DLL3: variants seen among roughly 807,000 people sequenced by gnomAD.
The protein encoded by DLL3 is delta-like protein 3.
Under a neutral mutation model 55.0 loss-of-function variants are expected in DLL3, and 49 were observed. The ratio of observed to expected loss-of-function variants is 0.89; its 90% CI spans 0.71 to 1.13. The LOEUF (loss-of-function observed/expected upper bound fraction) is 1.13. DLL3 is among the 50% of genes most tolerant of loss of function. DLL3 has a pLI of 0.00. For synonymous variants in DLL3, 421 were observed against 385.2 expected (o/e 1.09, Z -1.09); for missense variants, 962 against 875.5 (o/e 1.10, Z -1.25).
At chr19:39,503,482 G>A (rs777569580) in intron 4 of DLL3, among the ~76,000 whole-genome samples, 10 of 152,046 alleles carry the variant, frequency 6.6e-5, no homozygotes, top group Non-Finnish European at 1.0e-4. Flanking sequence ...CGGCCCTCCC[G>A]ACTCCCACTC....
chr19:39,508,265 C>A lies in DLL3; in HGVS notation c.*8C>A. 6.2e-7 allele frequency: 1 copy of A among 1,613,900 alleles called. No individual in the cohort carries two copies. On this transcript the variant is annotated 3_prime_UTR_variant, in exon 9 of 9. Transcript: ENST00000356433. ...TTTTGTTTCTAGGCCTGACGCGTCT[C>A]CTCCATCCGCACCTGGAGTCAGAGC...
chr19:39,507,582 A>G lies in DLL3; in HGVS notation c.1637A>G (p.Asn546Ser). The change falls in exon 7 of 9, where the codon AAC (asparagine) becomes AGC (serine). Residue 546 changes from asparagine (N) to serine (S), a missense_variant. Asn to Ser is a conservative substitution (Grantham distance 46, BLOSUM62 1). Transcript: ENST00000356433. ...CACGCACTCCCGGATGCACTCAACA[A>G]CCTAAGGACGCAGGAGGGTTCCGGG... ...SVHALPDALN[N>S]LRTQEGSGDG... is the part of the protein sequence containing the mutation. 6.2e-7 allele frequency: 1 copy of G among 1,609,348 alleles called. No individual in the cohort carries two copies.
At chr19:39,502,169 AGAGT>A (rs549572885) in intron 3 of DLL3, among the ~76,000 whole-genome samples, 1 of 152,168 alleles carries the variant, frequency 6.6e-6, no homozygotes, top group Admixed American at 6.5e-5. Context: ...CCTGGGCGAC[AGAGT>A]GAGACTCCGT....
chr19:39,501,625 G>A (rs2079609978), intron 3 of DLL3, among the ~76,000 whole-genome samples: 1 of 152,170 alleles, frequency 6.6e-6, no homozygotes, highest in Non-Finnish European at 1.5e-5. Context: ...TCACCGTTCT[G>A]ATGTAGAAAG....
chr19:39,501,210 C>T (rs958149204), intron 3 of DLL3, among the ~76,000 whole-genome samples: 5 of 152,126 alleles, frequency 3.3e-5, no homozygotes, highest in Admixed American at 2.6e-4. Context: ...ACCATGTTGT[C>T]CAGGCTGGTC....
chr19:39,499,817 C>A (rs1303868048), intron 2 of DLL3, among the ~76,000 whole-genome samples: 1 of 151,834 alleles, frequency 6.6e-6, no homozygotes, highest in Non-Finnish European at 1.5e-5. Flanking sequence ...CCAAACCTCT[C>A]ACACCTTGTC....
At chr19:39,507,692 C>T in intron 7 of DLL3, 74 bp downstream of exon 7, 3 of 1,588,158 alleles carry the variant, frequency 1.9e-6, no homozygotes, top group Non-Finnish European at 2.6e-6. Flanking sequence ...GCAGTTGGCC[C>T]GATTCCTTGA....
intron 2 of DLL3, 93 bp from the exon 3 acceptor site, chr19:39,500,522 A>G (rs1199368726): frequency 9.1e-7 from 1 of 1,101,936 alleles, no homozygotes. Flanking sequence ...AGCAATGGCC[A>G]TCACCCTCCA....
Position 39,499,179 on chromosome 19 carries a change from G to C in DLL3, c.70-13G>C. ...CTCCCGGCCGCCTCACCCTGCGCCCGTCTCCGTCCCAGACACGGCCCGCTG... is the reference window on the plus strand; with the variant it reads ...CTCCCGGCCGCCTCACCCTGCGCCCCTCTCCGTCCCAGACACGGCCCGCTG... On this transcript the variant is annotated splice_polypyrimidine_tract_variant and intron_variant, in intron 1 of 8. Coordinates refer to ENST00000356433, the MANE Select transcript of DLL3 (RefSeq NM_203486.3). The C allele has an allele frequency of 1.3e-6, 2 of 1,588,392 alleles. No individual in the cohort carries two copies. Among genetic ancestry groups the C allele is most frequent in the Non-Finnish European group, 1.7e-6 (2 of 1,171,994 alleles).
At chr19:39,499,116 C>G (rs1439762600) in intron 1 of DLL3, 73 bp downstream of exon 1, 5 of 1,612,552 alleles carry the variant, frequency 3.1e-6, no homozygotes, top group Non-Finnish European at 4.2e-6. Context: ...CCTGAAGGTC[C>G]TGGGGAAGGA....
chr19:39,499,622 A>G (rs2144755863), intron 2 of DLL3, 149 bp downstream of exon 2: 2 of 1,006,040 alleles, frequency 2.0e-6, no homozygotes, highest in East Asian at 5.3e-5. Flanking sequence ...TACCGTCTGG[A>G]ACCCCACATT....
intron 6 of DLL3, 81 bp from the exon 7 acceptor site, chr19:39,506,957 GC>G (rs2079644264): frequency 7.0e-7 from 1 of 1,427,164 alleles, no homozygotes; most frequent in African/African-American, 1.4e-5. Context: ...ACCCCGTGCA[GC>G]GATGACAGAG....
Position 39,507,329 on chromosome 19 carries a change from G to T in DLL3, c.1384G>T (p.Ala462Ser), listed in dbSNP as rs182454962. 3.8e-6 allele frequency: 6 copies of T among 1,567,690 alleles called. No homozygotes were observed. The highest frequency in any genetic ancestry group is 3.4e-5 in the South Asian group (3 of 87,064). Residue 462 changes from alanine to serine, a missense_variant, in exon 7 of 9, where the codon GCG becomes TCG. Physicochemically the swap from Ala to Ser is moderately conservative, Grantham distance 99 (BLOSUM62 1). Transcript: ENST00000356433. ...VCACAPGYMG[A>S]RCEFPVHPDG... Reference sequence around the variant, plus strand: ...CGCTTGCGCTCCCGGCTACATGGGAGCGCGGTGTGAGTTCCCAGTGCACCC... The same window carrying T: ...CGCTTGCGCTCCCGGCTACATGGGATCGCGGTGTGAGTTCCCAGTGCACCC...
chr19:39,502,839 G>A lies in DLL3; in HGVS notation c.434G>A (p.Arg145His). The change falls in exon 4 of 9, where the codon CGC becomes CAC. Residue 145 changes from arginine (R) to histidine (H), a missense_variant. Coordinates refer to ENST00000356433, the MANE Select transcript of DLL3 (RefSeq NM_203486.3). ...GGGCCCGCCTGGAGCCTGCTGGCGC[G>A]CGTGGCTGGCAGGCGGCGCTTGGCA... is the stretch of plus-strand genomic sequence containing the variant. ...IGGPAWSLLA[R>H]VAGRRRLAAG... is the part of the protein sequence containing the mutation. 10 of 1,419,632 alleles carry A rather than the reference G, an allele frequency of 7.0e-6. No homozygotes were observed. Among genetic ancestry groups the A allele is most frequent in the Non-Finnish European group, 8.2e-6 (9 of 1,092,788 alleles). The allele number at this position is 1,419,632 out of a possible 1,614,324, so 87.9% of individuals were successfully genotyped here.
At position 39,504,118 on chromosome 19, in the gene DLL3, C is replaced by T; in HGVS notation, c.700C>T (p.Pro234Ser). 6.2e-7 allele frequency: 1 copy of T among 1,613,152 alleles called. No homozygotes were observed. The highest frequency in any genetic ancestry group is 8.5e-7 in the Non-Finnish European group (1 of 1,180,020). ...CSPEHGFCEQ[P>S]GECRCLEGWT... ...CCCTGAGCATGGCTTCTGTGAACAG[C>T]CCGGTGAATGCCGATGCCTAGAGGG... is the stretch of plus-strand genomic sequence containing the variant. The change falls in exon 5 of 9, where the codon CCC becomes TCC. Residue 234 changes from proline to serine, a missense_variant. Physicochemically the swap from Pro to Ser is moderately conservative, Grantham distance 74 (BLOSUM62 -1). Coordinates refer to ENST00000356433, the MANE Select transcript of DLL3 (RefSeq NM_203486.3).
rs768310008 is a variant in DLL3 at position 39,502,857 on chromosome 19, G to T, written c.452G>T (p.Arg151Leu). ...SLLARVAGRR[R>L]LAAGGPWARD... ...CTGGCGCGCGTGGCTGGCAGGCGGC[G>T]CTTGGCAGCCGGAGGCCCGTGGGCC... The change falls in exon 4 of 9, where the codon CGC becomes CTC. Residue 151 changes from arginine to leucine, a missense_variant. Transcript: ENST00000356433. The T allele has an allele frequency of 6.4e-6, 9 of 1,415,106 alleles. No individual in the cohort carries two copies. In the African/African-American group the frequency reaches 1.3e-4, roughly 21 times the overall value. 87.7% of individuals were successfully genotyped at this position (1,415,106 alleles called of 1,614,324 possible). A position where few individuals can be genotyped will look rare whatever the true frequency, so the allele number is the denominator to read the frequency against.
In DLL3 at chr19:39,502,807, C is replaced by T; in HGVS notation, c.410-8C>T. 7.1e-7 allele frequency: 1 copy of T among 1,414,188 alleles called. No homozygotes were observed. The highest frequency in any genetic ancestry group is 9.2e-7 in the Non-Finnish European group (1 of 1,089,210). 87.6% of individuals were successfully genotyped at this position (1,414,188 alleles called of 1,614,324 possible). On this transcript the variant is annotated splice_region_variant and splice_polypyrimidine_tract_variant and intron_variant, in intron 3 of 8. Transcript: ENST00000356433. ...ACCCCAGCACCCCTCCTTTGCCTGT[C>T]CTCGCAGGGCCCGCCTGGAGCCTGC...
chr19:39,508,384 G>C lies in DLL3; in HGVS notation c.*127G>C, dbSNP rs2079657624. ...GGGTGTCTGGGGGAACTTTACTGTT[G>C]CAAGTTGTAAATAATGGTTATTTAT... On this transcript the variant is annotated 3_prime_UTR_variant, in exon 9 of 9. Coordinates refer to ENST00000356433, the MANE Select transcript of DLL3 (RefSeq NM_203486.3). 4.7e-6 allele frequency: 5 copies of C among 1,065,848 alleles called. No homozygotes were observed. The African/African-American group carries it at 6.3e-5, about 13-fold the overall frequency. The allele number at this position is 1,065,848 out of a possible 1,614,324, so 66.0% of individuals were successfully genotyped here. A position where few individuals can be genotyped will look rare whatever the true frequency, so the allele number is the denominator to read the frequency against.
In DLL3 at chr19:39,499,493, G is replaced by T. The variant is rs1489112814; in HGVS notation, c.351+20G>T. 3.2e-6 allele frequency: 5 copies of T among 1,577,732 alleles called. No individual in the cohort carries two copies. The highest frequency in any genetic ancestry group is 2.3e-5 in the East Asian group (1 of 43,892). ...TGGCCTGTAAGTGCTGCCCCCGGGG[G>T]ACTCCCGGTGCTGGAGGCCTAACCC... On this transcript the variant is annotated intron_variant, in intron 2 of 8. Transcript: ENST00000356433.
Sources: gnomAD v4.1 joint callset for allele counts (sites outside exome capture counted in the v4.1 genomes callset) on GRCh38, gnomAD v4.1.1 for gene constraint, MANE v1.5 for transcripts, NCBI Gene and HGNC (gene_info 2026-07-23, HGNC 2026-07-21) for gene names.